SP140: variants seen among roughly 807,000 people sequenced by gnomAD.
SP140 encodes SP140 nuclear body protein, also known as nuclear body protein SP140.
In SP140, 81 loss-of-function variants were observed where a neutral mutation model predicts 125.0. The ratio of observed to expected loss-of-function variants is 0.65; its 90% confidence interval spans 0.54 to 0.78. SP140 has a LOEUF of 0.78. SP140 is among the 30% of genes least tolerant of loss of function. The pLI is 0.00. For missense variants in SP140, 858 were observed against 1,037.0 expected, an observed-to-expected ratio of 0.83 and a Z score of 2.37; for synonymous variants, 312 against 354.0, an observed-to-expected ratio of 0.88 and a Z score of 1.33.
At chr2:230,198,965 C>T (rs1215863977), upstream of SP140, among the ~76,000 whole-genome samples, 1 of 151,954 alleles carries the variant, frequency 6.6e-6, no homozygotes, top group Non-Finnish European at 1.5e-5. Context: ...TTCTCTTTAG[C>T]TGGAACATAG....
upstream of SP140, chr2:230,200,934 T>C (rs770884627): frequency 1.9e-6 from 3 of 1,613,956 alleles, no homozygotes; most frequent in South Asian, 3.3e-5. Flanking sequence ...ACCTCTTTCC[T>C]TCATTCATTT....
intron 20 of SP140, 50 bp from the exon 21 acceptor site, chr2:230,294,221 C>T (rs776729855): frequency 6.5e-6 from 10 of 1,534,704 alleles, no homozygotes; most frequent in Non-Finnish European, 9.0e-6. Flanking sequence ...GCCAGACTCA[C>T]AAAACGGAAA....
chr2:230,197,314 T>A, the SP140 span, among the ~76,000 whole-genome samples: 1 of 151,244 alleles, frequency 6.6e-6, no homozygotes, highest in Non-Finnish European at 1.5e-5. Context: ...CATTTTTTCA[T>A]GTGTTTTTTG....
upstream of SP140, among the ~76,000 whole-genome samples, chr2:230,221,360 C>G (rs1296175239): frequency 1.3e-5 from 2 of 152,060 alleles, no homozygotes; most frequent in Non-Finnish European, 2.9e-5. Context: ...ACAAGTTCCC[C>G]TACCAGGACA....
chr2:230,255,998 T>C (rs1000767918), intron 12 of SP140, among the ~76,000 whole-genome samples: 1 of 152,186 alleles, frequency 6.6e-6, no homozygotes, highest in African/African-American at 2.4e-5. Context: ...TTTGCCTTTA[T>C]TTTTTCTAGC....
intron 12 of SP140, among the ~76,000 whole-genome samples, chr2:230,265,054 G>A (rs2052859908): frequency 6.6e-6 from 1 of 152,080 alleles, no homozygotes; most frequent in South Asian, 2.1e-4. Context: ...TTTGTCTTCA[G>A]CTGCCAGGGT....
At chr2:230,223,352 G>A (rs1339907671), upstream of SP140, among the ~76,000 whole-genome samples, 1 of 152,102 alleles carries the variant, frequency 6.6e-6, no homozygotes, top group African/African-American at 2.4e-5. Context: ...ACATTCTATG[G>A]GATGTCCAGG....
At chr2:230,232,664 C>T (rs2047428330) in intron 1 of SP140, among the ~76,000 whole-genome samples, 1 of 152,158 alleles carries the variant, frequency 6.6e-6, no homozygotes, top group East Asian at 1.9e-4. Context: ...TTCAATTTCT[C>T]TTCATTATTA....
chr2:230,295,177 G>A (rs1012771581), intron 21 of SP140, among the ~76,000 whole-genome samples: 2 of 152,192 alleles, frequency 1.3e-5, no homozygotes, highest in African/African-American at 4.8e-5. Context: ...CCTGAGGAGG[G>A]GGAAGAGAAA....
intron 22 of SP140, among the ~76,000 whole-genome samples, chr2:230,308,430 A>G (rs1310762549): frequency 6.6e-6 from 1 of 152,176 alleles, no homozygotes; most frequent in Non-Finnish European, 1.5e-5. Flanking sequence ...ATACTTAAAC[A>G]TTTGGTACTT....
At chr2:230,195,168 T>C in the SP140 span, among the ~76,000 whole-genome samples, 2 of 152,166 alleles carry the variant, frequency 1.3e-5, no homozygotes, top group African/African-American at 2.4e-5. Flanking sequence ...ACCTGCAATG[T>C]CATTACTTTT....
At position 230,215,794 on chromosome 2, in the gene SP140, G is replaced by T. The variant is rs967061693; in HGVS notation, c.-91+1720G>T. The stretch of plus-strand genomic sequence containing the variant: ...GTAGGCACTGTCAAGTGGAGAAGAT[G>T]AGCATTAATAAACACAAATAAATAC... On this transcript the variant is annotated intron_variant, in intron 3 of 4. Coordinates refer to the SP140 transcript ENST00000456542. Among the ~76,000 whole-genome samples, 4 of 152,220 alleles carry T rather than the reference G, an allele frequency of 2.6e-5. No homozygotes were observed. In the South Asian group the frequency reaches 8.3e-4, roughly 32 times the overall value.
chr2:230,251,121 G>C (rs2050295011), intron 10 of SP140, 60 bp downstream of exon 10: 1 of 1,398,072 alleles, frequency 7.2e-7, no homozygotes, highest in Admixed American at 1.7e-5. Flanking sequence ...TGAATTTGGA[G>C]CTTGTGTTTC....
chr2:230,201,412 A>G (rs190377169), upstream of SP140, among the ~76,000 whole-genome samples: 506 of 152,362 alleles, frequency 3.3e-3, 3 homozygotes, highest in African/African-American at 0.012. Context: ...GCCTTAAGAC[A>G]CATCAAAGCA....
chr2:230,315,152 C>T (rs927222436), downstream of SP140, among the ~76,000 whole-genome samples: 5 of 152,202 alleles, frequency 3.3e-5, no homozygotes, highest in Admixed American at 3.3e-4. Context: ...CTGAGGTCAG[C>T]TCTCTAAAGG....
Position 230,216,668 on chromosome 2 carries a change from C to G in SP140, c.-91+2594C>G. On this transcript the variant is annotated intron_variant, in intron 3 of 4. Transcript: ENST00000456542. ...CCACCTTCTGTGATAATGAACATGC[C>G]TGGGCTGGGCCTTCCAAACTCTGGA... 4.6e-6 allele frequency: 6 copies of G among 1,291,500 alleles called. No homozygotes were observed. In the South Asian group the frequency reaches 7.2e-5, roughly 15 times the overall value. The allele number at this position is 1,291,500 out of a possible 1,614,324, so 80.0% of individuals were successfully genotyped here.
At chr2:230,288,938 G>A (rs986446300) in intron 18 of SP140, among the ~76,000 whole-genome samples, 1 of 152,146 alleles carries the variant, frequency 6.6e-6, no homozygotes, top group African/African-American at 2.4e-5. Flanking sequence ...ACACGTGTGT[G>A]TGTCTTTATA....
At chr2:230,272,211 A>G (rs980924491) in intron 15 of SP140, among the ~76,000 whole-genome samples, 14 of 152,288 alleles carry the variant, frequency 9.2e-5, no homozygotes, top group Admixed American at 8.5e-4. Context: ...ACTAGAAAAT[A>G]CGATTTTAGA....
chr2:230,274,589 C>T (rs2054429122), intron 15 of SP140, among the ~76,000 whole-genome samples: 2 of 152,066 alleles, frequency 1.3e-5, no homozygotes, highest in South Asian at 4.1e-4. Context: ...GTCAGATTTC[C>T]AACCCTCAGA....
Sources: gnomAD v4.1 joint callset for allele counts (sites outside exome capture counted in the v4.1 genomes callset) on GRCh38, gnomAD v4.1.1 for gene constraint, MANE v1.5 for transcripts, NCBI Gene and HGNC (gene_info 2026-07-23, HGNC 2026-07-21) for gene names.